PMPCB: variants seen among roughly 807,000 people sequenced by gnomAD.
PMPCB encodes mitochondrial-processing peptidase subunit beta.
Under a neutral mutation model 61.5 loss-of-function variants are expected in PMPCB, and 46 were observed. The observed-to-expected ratio is 0.75, with a 90% CI of 0.59 to 0.96. PMPCB has a LOEUF of 0.96. PMPCB is among the 40% of genes least tolerant of loss of function. The pLI, the probability that PMPCB is intolerant of heterozygous loss-of-function variation, is 0.00. For missense variants in PMPCB, 590 were observed against 602.4 expected, an observed-to-expected ratio of 0.98 and a Z score of 0.22; for synonymous variants, 191 against 201.6, an observed-to-expected ratio of 0.95 and a Z score of 0.44.
Position 103,322,177 on chromosome 7 carries a change from A to G in PMPCB, c.*1432-6754A>G, listed in dbSNP as rs905722768. On this transcript the variant is annotated intron_variant and NMD_transcript_variant, in intron 12 of 12. Coordinates refer to the PMPCB transcript ENST00000444457. ...ATTTAAACTTTTAATAAATTATATT[A>G]GGAAAAAAGGCAACATAAACTTATT... The G allele has an allele frequency of 3.2e-6, 3 of 937,348 alleles. No individual in the cohort carries two copies. In the African/African-American group the frequency reaches 5.0e-5, roughly 16 times the overall value. 58.1% of individuals were successfully genotyped at this position (937,348 alleles called of 1,614,324 possible). A position where few individuals can be genotyped will look rare whatever the true frequency, so the allele number is the denominator to read the frequency against.
chr7:103,323,812 A>C, intron 12 of PMPCB: 1 of 614,912 alleles, frequency 1.6e-6, no homozygotes, highest in Non-Finnish European at 2.4e-6. Flanking sequence ...TTTTAAGGAC[A>C]TTGCATTTGG....
At chr7:103,306,569 A>G (rs1177319970) in intron 6 of PMPCB, among the ~76,000 whole-genome samples, 1 of 151,940 alleles carries the variant, frequency 6.6e-6, no homozygotes, top group Non-Finnish European at 1.5e-5. Context: ...TTTAGTAGGG[A>G]TGGGGTTTCT....
At chr7:103,324,765 A>G (rs1326609451) in intron 12 of PMPCB, 3 of 359,320 alleles carry the variant, frequency 8.3e-6, no homozygotes, top group African/African-American at 4.3e-5. Flanking sequence ...GAGGCCAAAG[A>G]TAGACTGGGG....
At position 103,297,745 on chromosome 7, in the gene PMPCB, A is replaced by G. The variant is rs766034019; in HGVS notation, c.99+187A>G. 1.5e-4 allele frequency: 225 copies of G among 1,533,876 alleles called. 1 individual carries two copies. Among genetic ancestry groups the G allele is most frequent in the South Asian group, 4.0e-4 (33 of 83,216 alleles). On this transcript the variant is annotated intron_variant, in intron 1 of 12. Transcript: ENST00000249269. Reference sequence around the variant, plus strand: ...GGTGACTGGCTTGTGGCCACCCGCCAGGAGACCTGCTAGTGACGTGTGGGA... The same window carrying G: ...GGTGACTGGCTTGTGGCCACCCGCCGGGAGACCTGCTAGTGACGTGTGGGA...
At chr7:103,306,386 T>C (rs1003088733) in intron 6 of PMPCB, among the ~76,000 whole-genome samples, 16 of 151,030 alleles carry the variant, frequency 1.1e-4, no homozygotes, top group African/African-American at 3.4e-4. Flanking sequence ...TGAGTTCTTT[T>C]TTTTTTTTTT....
chr7:103,320,830 CTTT>C (rs745754898), intron 12 of PMPCB: 379 of 113,626 alleles, frequency 3.3e-3, no homozygotes, highest in South Asian at 4.9e-3. Flanking sequence ...CTCAGCATGT[CTTT>C]TTTTTTTTTT....
At chr7:103,308,367 A>G (rs1182114125) in intron 7 of PMPCB, among the ~76,000 whole-genome samples, 1 of 152,232 alleles carries the variant, frequency 6.6e-6, no homozygotes, top group Admixed American at 6.5e-5. Flanking sequence ...TACGCCTGTA[A>G]TCCCAGCACT....
At chr7:103,316,613 GAAAC>G, downstream of PMPCB, 1 of 487,690 alleles carries the variant, frequency 2.1e-6, no homozygotes, top group Non-Finnish European at 3.6e-6. Flanking sequence ...AATTTCCTGA[GAAAC>G]AAGTATTCTG....
intron 4 of PMPCB, among the ~76,000 whole-genome samples, chr7:103,301,177 C>T (rs1817440992): frequency 6.6e-6 from 1 of 152,250 alleles, no homozygotes; most frequent in African/African-American, 2.4e-5. Flanking sequence ...CAGACTCTGA[C>T]TTGCCCAGGA....
downstream of PMPCB, among the ~76,000 whole-genome samples, chr7:103,332,285 G>A (rs1048085048): frequency 9.9e-5 from 15 of 152,162 alleles, no homozygotes; most frequent in Non-Finnish European, 1.3e-4. Context: ...GATTATAGGC[G>A]TGAGCCACTG....
At chr7:103,335,648 C>G in the PMPCB span, 1 of 152,018 alleles carries the variant, frequency 6.6e-6, no homozygotes, top group Non-Finnish European at 1.5e-5. Flanking sequence ...CAGGTTCAAG[C>G]GATTCTCATG....
chr7:103,344,138 A>C, the PMPCB span: 5 of 175,944 alleles, frequency 2.8e-5, no homozygotes, highest in East Asian at 1.6e-4. Flanking sequence ...GGCCGGAGCA[A>C]ACGTAGAGAG....
At chr7:103,309,517 A>G (rs1363504166) in intron 8 of PMPCB, among the ~76,000 whole-genome samples, 1 of 152,210 alleles carries the variant, frequency 6.6e-6, no homozygotes, top group Non-Finnish European at 1.5e-5. Flanking sequence ...TAGTATAACA[A>G]CTATTTACAT....
At chr7:103,307,355 G>C (rs1393245753) in intron 6 of PMPCB, among the ~76,000 whole-genome samples, 1 of 152,088 alleles carries the variant, frequency 6.6e-6, no homozygotes, top group Non-Finnish European at 1.5e-5. Context: ...CTTATTCTTA[G>C]CTGTGAATCC....
chr7:103,308,103 C>T (rs922882510), intron 7 of PMPCB, among the ~76,000 whole-genome samples: 9 of 152,098 alleles, frequency 5.9e-5, no homozygotes, highest in African/African-American at 2.2e-4. Context: ...CAGTTTTGCC[C>T]ACAGTATGTT....
downstream of PMPCB, among the ~76,000 whole-genome samples, chr7:103,330,306 G>A (rs1314032486): frequency 6.7e-6 from 1 of 150,332 alleles, no homozygotes; most frequent in Admixed American, 6.6e-5. Context: ...TTTTTTTTGA[G>A]ACAGGGTCTC....
downstream of PMPCB, chr7:103,315,901 CA>C: frequency 6.4e-7 from 1 of 1,558,934 alleles, no homozygotes; most frequent in Non-Finnish European, 8.8e-7. Context: ...TAATACTTAA[CA>C]GATCATCATT....
At chr7:103,322,409 C>T in intron 12 of PMPCB, 1 of 1,202,892 alleles carries the variant, frequency 8.3e-7, no homozygotes, top group Non-Finnish European at 1.1e-6. Flanking sequence ...CAATTCTCTG[C>T]TTTCGAATTA....
the PMPCB span, among the ~76,000 whole-genome samples, chr7:103,343,343 T>G: frequency 6.6e-6 from 1 of 152,208 alleles, no homozygotes; most frequent in African/African-American, 2.4e-5. Context: ...ATATAGCTCT[T>G]AAAAATTTTA....
Sources: allele counts gnomAD v4.1 joint callset (sites outside exome capture counted in the v4.1 genomes callset), GRCh38; gene constraint gnomAD v4.1.1; transcripts MANE v1.5; gene names NCBI Gene and HGNC (gene_info 2026-07-23, HGNC 2026-07-21).